Variants in MS4A7 observed in about 807,000 individuals in gnomAD.
The protein encoded by MS4A7 is membrane-spanning 4-domains subfamily A member 7.
MS4A7 carries 21 observed loss-of-function variants against 23.5 expected under a neutral mutation model. The ratio of observed to expected loss-of-function variants is 0.89; its 90% CI spans 0.63 to 1.29. The LOEUF (loss-of-function observed/expected upper bound fraction) is 1.29, where lower values mean the gene tolerates loss of function less well. Among genes scored for constraint, MS4A7 ranks in the 50% most tolerant of loss-of-function variants. MS4A7 has a pLI of 0.00. For missense variants in MS4A7, 263 were observed against 274.2 expected, an observed-to-expected ratio of 0.96 and a Z score of 0.29; for synonymous variants, 111 against 107.4, an observed-to-expected ratio of 1.03 and a Z score of -0.21.
In MS4A7 at chr11:60,383,151, CAA is replaced by C. The variant is rs2085448033; in HGVS notation, c.11_12del (p.Gln4LeufsTer107). 6.2e-7 allele frequency: 1 copy of C among 1,613,664 alleles called. No individual in the cohort carries two copies. Among genetic ancestry groups the C allele is most frequent in the Admixed American group, 1.7e-5 (1 of 59,978 alleles). On this transcript the variant is annotated frameshift_variant, in exon 2 of 7. Transcript: ENST00000300184. LOFTEE classifies it high-confidence loss of function. MLL[Q>X]SQTMGVSHSF... Reference sequence around the variant, plus strand: ...CAGCATCATCAGCATCATGCTATTACAATCCCAAACCATGGGGGTTTCTCACA... The same window carrying C: ...CAGCATCATCAGCATCATGCTATTACTCCCAAACCATGGGGGTTTCTCACA...
intron 1 of MS4A7, among the ~76,000 whole-genome samples, chr11:60,379,052 A>T (rs1015267528): frequency 6.6e-6 from 1 of 152,186 alleles, no homozygotes; most frequent in African/African-American, 2.4e-5. Context: ...ATTTATCTTC[A>T]AAGCACGGAT....
intron 2 of MS4A7, 109 bp from the exon 3 acceptor site, chr11:60,384,979 T>A (rs2085468299): frequency 1.9e-6 from 2 of 1,041,818 alleles, no homozygotes; most frequent in Admixed American, 2.5e-5. Flanking sequence ...CTCTTTAATA[T>A]AACAAATTAT....
intron 1 of MS4A7, among the ~76,000 whole-genome samples, chr11:60,378,875 T>C (rs1190317602): frequency 6.6e-6 from 1 of 152,210 alleles, no homozygotes; most frequent in Non-Finnish European, 1.5e-5. Context: ...ATTGAGGTGA[T>C]TTTCCTCAAT....
intron 3 of MS4A7, 164 bp from the exon 4 acceptor site, chr11:60,386,553 G>A: frequency 3.6e-6 from 2 of 552,810 alleles, no homozygotes. Context: ...TCTTATATCA[G>A]GTGGGAATTA....
At chr11:60,389,121 C>T (rs1373368504) in intron 4 of MS4A7, 2 of 431,066 alleles carry the variant, frequency 4.6e-6, no homozygotes, top group Middle Eastern at 6.7e-4. Context: ...ATCTTGAGTG[C>T]TATAGAGAGT....
chr11:60,391,362 A>T (rs1359306009), intron 5 of MS4A7, among the ~76,000 whole-genome samples: 1 of 152,190 alleles, frequency 6.6e-6, no homozygotes, highest in Non-Finnish European at 1.5e-5. Flanking sequence ...ATCAAATCTA[A>T]AACTACTATC....
intron 2 of MS4A7, 66 bp from the exon 3 acceptor site, chr11:60,385,022 T>C: frequency 7.0e-7 from 1 of 1,419,366 alleles, no homozygotes; most frequent in Non-Finnish European, 9.9e-7. Context: ...CTTTACCGTG[T>C]GCATTCAAAT....
At chr11:60,381,722 A>G (rs1217261192) in intron 1 of MS4A7, among the ~76,000 whole-genome samples, 1 of 152,202 alleles carries the variant, frequency 6.6e-6, no homozygotes, top group African/African-American at 2.4e-5. Flanking sequence ...TGAGTCCATT[A>G]TATGTGTCAT....
chr11:60,379,523 G>A (rs2085406438), intron 1 of MS4A7, among the ~76,000 whole-genome samples: 1 of 143,974 alleles, frequency 6.9e-6, no homozygotes, highest in Non-Finnish European at 1.6e-5. Context: ...TTTTTTTGTT[G>A]TTTTTTGTTT....
In MS4A7 at chr11:60,395,051, G is replaced by A. The variant is rs1312654732; in HGVS notation, c.*1190G>A. On this transcript the variant is annotated 3_prime_UTR_variant, in exon 7 of 7. Coordinates refer to ENST00000300184, the MANE Select transcript of MS4A7 (RefSeq NM_021201.5). ...AGCTAAATGCTGCTCATGCTGAAAA[G>A]AATAATGTCTATTTCTTTGTTTGGG... 3 of 570,350 alleles carry A rather than the reference G, an allele frequency of 5.3e-6. No homozygotes were observed. The highest frequency in any genetic ancestry group is 9.5e-6 in the Non-Finnish European group (3 of 314,946). The allele number at this position is 570,350 out of a possible 1,614,324, so 35.3% of individuals were successfully genotyped here. A position where few individuals can be genotyped will look rare whatever the true frequency, so the allele number is the denominator to read the frequency against.
At chr11:60,388,853 T>C (rs1422687680) in intron 4 of MS4A7, among the ~76,000 whole-genome samples, 1 of 152,244 alleles carries the variant, frequency 6.6e-6, no homozygotes, top group Non-Finnish European at 1.5e-5. Flanking sequence ...ATATTGATTG[T>C]CAATTCAAGA....
At chr11:60,387,383 A>T (rs965855805) in intron 4 of MS4A7, among the ~76,000 whole-genome samples, 13 of 152,182 alleles carry the variant, frequency 8.5e-5, no homozygotes, top group Non-Finnish European at 1.9e-4. Flanking sequence ...GAAGTCCATG[A>T]TATATTTTCA....
intron 2 of MS4A7, among the ~76,000 whole-genome samples, chr11:60,383,837 C>T (rs2085455981): frequency 6.6e-6 from 1 of 152,156 alleles, no homozygotes; most frequent in Non-Finnish European, 1.5e-5. Context: ...TGTGCCCAGC[C>T]ACAAATTAGT....
At chr11:60,386,885 C>A in intron 4 of MS4A7, 112 bp downstream of exon 4, 1 of 951,394 alleles carries the variant, frequency 1.1e-6, no homozygotes, top group Non-Finnish European at 1.5e-6. Flanking sequence ...AAGCTTAGAA[C>A]AGGCTAGGAA....
In MS4A7 at chr11:60,395,003, C is replaced by A; in HGVS notation, c.*1142C>A. Reference sequence around the variant, plus strand: ...CAAGTTACAGATAATCTCTGACTGGCATGTTTTCTGCTTCTAGCTTGGAGC... The same window carrying A: ...CAAGTTACAGATAATCTCTGACTGGAATGTTTTCTGCTTCTAGCTTGGAGC... On this transcript the variant is annotated 3_prime_UTR_variant, in exon 7 of 7. Coordinates refer to ENST00000300184, the MANE Select transcript of MS4A7 (RefSeq NM_021201.5). The A allele has an allele frequency of 3.2e-6, 2 of 629,950 alleles. No individual in the cohort carries two copies. Among genetic ancestry groups the A allele is most frequent in the Non-Finnish European group, 5.8e-6 (2 of 345,690 alleles). The allele number at this position is 629,950 out of a possible 1,614,324, so 39.0% of individuals were successfully genotyped here.
Position 60,394,915 on chromosome 11 carries a change from A to C in MS4A7, c.*1054A>C, listed in dbSNP as rs1292504197. 2.5e-5 allele frequency: 15 copies of C among 608,166 alleles called. No individual in the cohort carries two copies. Among genetic ancestry groups the C allele is most frequent in the Non-Finnish European group, 4.5e-5 (15 of 334,376 alleles). 37.7% of individuals were successfully genotyped at this position (608,166 alleles called of 1,614,324 possible). ...TAAAAAAGAATATTCAGTCGTTGGCACATAAACTATGTTCTCTTCTGTCAT... is the reference window on the plus strand; with the variant it reads ...TAAAAAAGAATATTCAGTCGTTGGCCCATAAACTATGTTCTCTTCTGTCAT... On this transcript the variant is annotated 3_prime_UTR_variant, in exon 7 of 7. Coordinates refer to ENST00000300184, the MANE Select transcript of MS4A7 (RefSeq NM_021201.5).
chr11:60,391,431 C>T (rs534632029), intron 5 of MS4A7, among the ~76,000 whole-genome samples: 5 of 152,318 alleles, frequency 3.3e-5, no homozygotes, highest in Admixed American at 1.3e-4. Flanking sequence ...AACCCTACCA[C>T]TACCACCATC....
rs368203082 is a variant in MS4A7 at position 60,395,721 on chromosome 11, ATT to A, written c.*1868_*1869del. The stretch of plus-strand genomic sequence containing the variant: ...TGGTCCTATAGCATCTTTACTACTG[ATT>A]TTTTTTTGTTTAATTTGAAAATGCA... On this transcript the variant is annotated 3_prime_UTR_variant, in exon 7 of 7. Transcript: ENST00000300184. The A allele has an allele frequency of 9.9e-5, 15 of 151,520 alleles. No individual in the cohort carries two copies. Among genetic ancestry groups the A allele is most frequent in the African/African-American group, 3.6e-4 (15 of 41,280 alleles). The allele number at this position is 151,520 out of a possible 1,614,324, so 9.4% of individuals were successfully genotyped here.
chr11:60,386,152 T>C (rs2085484284), intron 3 of MS4A7, among the ~76,000 whole-genome samples: 1 of 152,234 alleles, frequency 6.6e-6, no homozygotes, highest in Non-Finnish European at 1.5e-5. Flanking sequence ...ACCCTTCCTC[T>C]GCCAGCTGGA....
Sources: allele counts gnomAD v4.1 joint callset (sites outside exome capture counted in the v4.1 genomes callset), GRCh38; gene constraint gnomAD v4.1.1; transcripts MANE v1.5; gene names NCBI Gene and HGNC (gene_info 2026-07-23, HGNC 2026-07-21).